Variants in LRRC52 observed in about 807,000 individuals in gnomAD.
The protein encoded by LRRC52 is leucine rich repeat containing 52, also known as leucine-rich repeat-containing protein 52.
In LRRC52, 15 loss-of-function variants were observed where a neutral mutation model predicts 14.7. The ratio of observed to expected loss-of-function variants is 1.02; its 90% confidence interval spans 0.68 to 1.58. LRRC52 has a LOEUF of 1.58. LRRC52 is among the 40% of genes most tolerant of loss of function. The pLI, the probability that LRRC52 is intolerant of heterozygous loss-of-function variation, is 0.00. For synonymous variants in LRRC52, 180 were observed against 163.9 expected (o/e 1.10, Z -0.75); for missense variants, 400 against 387.7 (o/e 1.03, Z -0.27).
At chr1:165,562,540 C>G (rs1661367489) in intron 1 of LRRC52, among the ~76,000 whole-genome samples, 1 of 152,216 alleles carries the variant, frequency 6.6e-6, no homozygotes. Flanking sequence ...GTTCTCTCAA[C>G]TACCCTGAGA....
chr1:165,563,561 C>A lies in LRRC52; in HGVS notation c.679C>A (p.Arg227=). The change falls in exon 2 of 2, where the codon CGG becomes AGG. Residue 227 remains arginine (R), a synonymous_variant. Coordinates refer to ENST00000294818, the MANE Select transcript of LRRC52 (RefSeq NM_001005214.4). ...AGAGCTGACAGGGTGGCCCATCACC[C>A]GGGTGGGGAACCCACTCCGATACAT... is the stretch of plus-strand genomic sequence containing the variant. ...PTELTGWPIT[R]VGNPLRYMCI... The A allele has an allele frequency of 6.2e-7, 1 of 1,614,172 alleles. No homozygotes were observed. Among genetic ancestry groups the A allele is most frequent in the Non-Finnish European group, 8.5e-7 (1 of 1,180,034 alleles).
intron 1 of LRRC52, among the ~76,000 whole-genome samples, chr1:165,558,666 AT>A (rs577617554): frequency 6.6e-6 from 1 of 152,052 alleles, no homozygotes; most frequent in East Asian, 1.9e-4. Flanking sequence ...AAGTTAAATG[AT>A]TTTTTTAAAA....
chr1:165,544,833 G>A lies in LRRC52; in HGVS notation c.537G>A (p.Leu179=), dbSNP rs781133264. Reference sequence around the variant, plus strand: ...ACCACCTCACTACTCTGGAGACCCTGTTTCTGAGTGGAAACCCCTGGAAGT... The same window carrying A: ...ACCACCTCACTACTCTGGAGACCCTATTTCTGAGTGGAAACCCCTGGAAGT... The part of the protein sequence containing the change: ...ALYHLTTLET[L]FLSGNPWKCN... Residue 179 remains leucine (L), a synonymous_variant, in exon 1 of 2, where the codon CTG becomes CTA. Coordinates refer to ENST00000294818, the MANE Select transcript of LRRC52 (RefSeq NM_001005214.4). The A allele has an allele frequency of 6.2e-7, 1 of 1,613,992 alleles. No individual in the cohort carries two copies. The highest frequency in any genetic ancestry group is 1.1e-5 in the South Asian group (1 of 91,052).
chr1:165,549,651 CAG>C (rs1316180373), intron 1 of LRRC52, among the ~76,000 whole-genome samples: 1 of 152,104 alleles, frequency 6.6e-6, no homozygotes, highest in East Asian at 1.9e-4. Flanking sequence ...TTGAAGGAAA[CAG>C]AGGTGCAAGA....
At chr1:165,548,606 C>T (rs1486472563) in intron 1 of LRRC52, among the ~76,000 whole-genome samples, 1 of 152,134 alleles carries the variant, frequency 6.6e-6, no homozygotes, top group Non-Finnish European at 1.5e-5. Context: ...AGCTCAGGTT[C>T]TGTAATAAAA....
At chr1:165,549,153 G>A (rs1183762403) in intron 1 of LRRC52, among the ~76,000 whole-genome samples, 1 of 152,192 alleles carries the variant, frequency 6.6e-6, no homozygotes, top group African/African-American at 2.4e-5. Flanking sequence ...AGACCCTAAG[G>A]AACAAAAGCA....
At position 165,544,358 on chromosome 1, in the gene LRRC52, T is replaced by G. The variant is rs958112685; in HGVS notation, c.62T>G (p.Val21Gly). The change falls in exon 1 of 2, where the codon GTA becomes GGA. Residue 21 changes from valine to glycine, a missense_variant. Coordinates refer to ENST00000294818, the MANE Select transcript of LRRC52 (RefSeq NM_001005214.4). Reference sequence around the variant, plus strand: ...CTCTTTTCCTTTGGAATGGGGCTGGTATCAGGGTCAAAGTGTCCAAATAAT... The same window carrying G: ...CTCTTTTCCTTTGGAATGGGGCTGGGATCAGGGTCAAAGTGTCCAAATAAT... ...WLLFSFGMGL[V>G]SGSKCPNNCL... The G allele has an allele frequency of 4.8e-5, 77 of 1,613,938 alleles. No individual in the cohort carries two copies. Among genetic ancestry groups the G allele is most frequent in the Non-Finnish European group, 6.1e-5 (72 of 1,180,016 alleles).
At chr1:165,554,920 G>A (rs1362716993) in intron 1 of LRRC52, among the ~76,000 whole-genome samples, 1 of 152,248 alleles carries the variant, frequency 6.6e-6, no homozygotes, top group African/African-American at 2.4e-5. Context: ...GCATTTGGCT[G>A]AGATGAGGCA....
At position 165,559,491 on chromosome 1, in the gene LRRC52, G is replaced by A. The variant is rs184745898; in HGVS notation, c.623-4014G>A. Among the ~76,000 whole-genome samples, 787 of 152,260 alleles carry A rather than the reference G, an allele frequency of 5.2e-3. 7 individuals are homozygous for A. Among genetic ancestry groups the A allele is most frequent in the Middle Eastern group, 0.014 (4 of 294 alleles). On this transcript the variant is annotated intron_variant, in intron 1 of 1. Coordinates refer to ENST00000294818, the MANE Select transcript of LRRC52 (RefSeq NM_001005214.4). ...TAAATAATTAGAGGAACTAGTAGAC[G>A]ATTGTCTAATAATAACTAAGAGACA...
intron 1 of LRRC52, among the ~76,000 whole-genome samples, chr1:165,555,139 AT>A (rs1661206866): frequency 6.6e-6 from 1 of 152,252 alleles, no homozygotes; most frequent in African/African-American, 2.4e-5. Flanking sequence ...AAATTGACAT[AT>A]GACATAATGT....
In LRRC52 at chr1:165,544,360, T is replaced by C. The variant is rs762930278; in HGVS notation, c.64T>C (p.Ser22Pro). The change falls in exon 1 of 2, where the codon TCA (serine) becomes CCA (proline). Residue 22 changes from serine (S) to proline (P), a missense_variant. Ser to Pro is a moderately conservative substitution (Grantham distance 74). Coordinates refer to ENST00000294818, the MANE Select transcript of LRRC52 (RefSeq NM_001005214.4). ...LLFSFGMGLV[S>P]GSKCPNNCLC... ...CTTTTCCTTTGGAATGGGGCTGGTA[T>C]CAGGGTCAAAGTGTCCAAATAATTG... The C allele has an allele frequency of 1.9e-6, 3 of 1,614,116 alleles. No individual in the cohort carries two copies. The highest frequency in any genetic ancestry group is 1.7e-6 in the Non-Finnish European group (2 of 1,180,016).
chr1:165,544,755 G>A lies in LRRC52; in HGVS notation c.459G>A (p.Arg153=), dbSNP rs780898159. ...CCTTTGCCAACACCACCTCTTTGAGGTACCTGGACCTCAGAAATACCGGCT... is the reference window on the plus strand; with the variant it reads ...CCTTTGCCAACACCACCTCTTTGAGATACCTGGACCTCAGAAATACCGGCT... ...KFTFANTTSL[R]YLDLRNTGLQ... Residue 153 remains arginine (R), a synonymous_variant, in exon 1 of 2, where the codon AGG becomes AGA. Transcript: ENST00000294818. 1.5e-5 allele frequency: 24 copies of A among 1,613,790 alleles called. No homozygotes were observed. In the African/African-American group the frequency reaches 2.3e-4, roughly 15 times the overall value.
chr1:165,561,946 G>A (rs1278483371), intron 1 of LRRC52, among the ~76,000 whole-genome samples: 1 of 152,168 alleles, frequency 6.6e-6, no homozygotes, highest in East Asian at 1.9e-4. Flanking sequence ...GCTGCTTCCA[G>A]CCCCCATTAG....
In LRRC52 at chr1:165,563,619, T is replaced by C. The variant is rs915034131; in HGVS notation, c.737T>C (p.Ile246Thr). 1 of 1,614,224 alleles carries C rather than the reference T, an allele frequency of 6.2e-7. No individual in the cohort carries two copies. The highest frequency in any genetic ancestry group is 8.5e-7 in the Non-Finnish European group (1 of 1,180,040). Residue 246 changes from isoleucine to threonine, a missense_variant, in exon 2 of 2, where the codon ATC (isoleucine) becomes ACC (threonine). Transcript: ENST00000294818. Reference sequence around the variant, plus strand: ...ACGCACCTGGACCACAAAGACTACATCTTCCTGCTGCTCATCGGCTTCTGC... The same window carrying C: ...ACGCACCTGGACCACAAAGACTACACCTTCCTGCTGCTCATCGGCTTCTGC... The part of the protein sequence containing the change: ...CITHLDHKDY[I>T]FLLLIGFCIF...
Position 165,544,742 on chromosome 1 carries a change from C to A in LRRC52, c.446C>A (p.Thr149Asn). 1 of 1,614,128 alleles carries A rather than the reference C, an allele frequency of 6.2e-7. No individual in the cohort carries two copies. Among genetic ancestry groups the A allele is most frequent in the Non-Finnish European group, 8.5e-7 (1 of 1,180,036 alleles). Residue 149 changes from threonine (T) to asparagine (N), a missense_variant, in exon 1 of 2, where the codon ACC becomes AAC. Coordinates refer to ENST00000294818, the MANE Select transcript of LRRC52 (RefSeq NM_001005214.4). ...CTTCACAAGTTCACCTTTGCCAACA[C>A]CACCTCTTTGAGGTACCTGGACCTC... ...LSLHKFTFAN[T>N]TSLRYLDLRN...
chr1:165,546,904 G>T (rs1661031288), intron 1 of LRRC52, among the ~76,000 whole-genome samples: 2 of 152,134 alleles, frequency 1.3e-5, no homozygotes, highest in Admixed American at 1.3e-4. Context: ...TGTCTATCTT[G>T]TCAAGATTAT....
intron 1 of LRRC52, among the ~76,000 whole-genome samples, chr1:165,561,854 G>A (rs910072348): frequency 6.6e-6 from 1 of 152,220 alleles, no homozygotes; most frequent in African/African-American, 2.4e-5. Context: ...GTGTCCGGGT[G>A]AAGAGGACTG....
At chr1:165,562,852 TA>T (rs36052386) in intron 1 of LRRC52, among the ~76,000 whole-genome samples, 19,480 of 151,794 alleles carry the variant, frequency 0.13, 1,345 homozygotes, top group Non-Finnish European at 0.16. Context: ...CTGCTTTCCC[TA>T]TTGGCAACCT....
chr1:165,555,167 T>G (rs1345942205), intron 1 of LRRC52, among the ~76,000 whole-genome samples: 1 of 152,126 alleles, frequency 6.6e-6, no homozygotes, highest in Non-Finnish European at 1.5e-5. Flanking sequence ...ACAAGTGCCA[T>G]GGAGGAAAAT....
Sources: allele counts gnomAD v4.1 joint callset (sites outside exome capture counted in the v4.1 genomes callset), GRCh38; gene constraint gnomAD v4.1.1; transcripts MANE v1.5; gene names NCBI Gene and HGNC (gene_info 2026-07-23, HGNC 2026-07-21).